AK7: variants seen among roughly 807,000 people sequenced by gnomAD.
The protein encoded by AK7 is ATP-AMP transphosphorylase 7.
Under a neutral mutation model 96.6 loss-of-function variants are expected in AK7, and 78 were observed. The observed-to-expected ratio is 0.81, with a 90% CI of 0.67 to 0.97. The LOEUF is 0.97. AK7 is among the 50% of genes least tolerant of loss of function. AK7 has a pLI of 0.00. For missense variants in AK7, 855 were observed against 887.9 expected (o/e 0.96, Z 0.47); for synonymous variants, 302 against 317.2 (o/e 0.95, Z 0.51).
intron 16 of AK7, among the ~76,000 whole-genome samples, chr14:96,485,272 C>T (rs1009442908): frequency 1.5e-4 from 23 of 152,102 alleles, no homozygotes; most frequent in African/African-American, 5.1e-4. Context: ...TCTCATGTTG[C>T]GTATTTTCTT....
At chr14:96,487,332 C>T (rs1895826837) in intron 17 of AK7, among the ~76,000 whole-genome samples, 1 of 122,358 alleles carries the variant, frequency 8.2e-6, no homozygotes, top group African/African-American at 3.1e-5. Context: ...TGCAGTGAGC[C>T]GAGATCACAC....
At chr14:96,476,914 T>TA (rs1895218388) in intron 14 of AK7, among the ~76,000 whole-genome samples, 1 of 152,210 alleles carries the variant, frequency 6.6e-6, no homozygotes, top group South Asian at 2.1e-4. Flanking sequence ...GAGTATCATG[T>TA]TAGGGAAAAA....
intron 16 of AK7, among the ~76,000 whole-genome samples, chr14:96,485,696 T>C (rs1205437932): frequency 6.6e-6 from 1 of 152,218 alleles, no homozygotes; most frequent in Non-Finnish European, 1.5e-5. Flanking sequence ...AGTTTCATGT[T>C]TATATGTACT....
chr14:96,420,581 A>G (rs1258439127), intron 4 of AK7, among the ~76,000 whole-genome samples: 84 of 151,442 alleles, frequency 5.5e-4, no homozygotes, highest in Non-Finnish European at 1.9e-4. Context: ...CAGTATGGCC[A>G]GACTCGGTGG....
intron 5 of AK7, among the ~76,000 whole-genome samples, chr14:96,430,669 G>T (rs1431320988): frequency 1.3e-5 from 2 of 152,198 alleles, no homozygotes; most frequent in Admixed American, 1.3e-4. Context: ...TGTGCTGCTG[G>T]ATTTGGTTTG....
chr14:96,472,706 AGAT>A lies in AK7; in HGVS notation c.1511_1513del (p.Asp504del). ...TCTTAGAGGAAGATGAGGAGGAGGA[AGAT>A]GATGTCAGAGGCAGAATGTTTCCCT... On this transcript the variant is annotated inframe_deletion, in exon 14 of 18. Transcript: ENST00000267584. The A allele has an allele frequency of 6.2e-7, 1 of 1,613,008 alleles. No homozygotes were observed. Among genetic ancestry groups the A allele is most frequent in the Non-Finnish European group, 8.5e-7 (1 of 1,179,026 alleles).
intron 5 of AK7, among the ~76,000 whole-genome samples, chr14:96,428,244 C>G (rs10145939): frequency 0.054 from 8,027 of 147,976 alleles, 865 homozygotes; most frequent in African/African-American, 0.2. Context: ...ATAGTTTGCT[C>G]AGAATGATGG....
chr14:96,438,013 C>A, intron 6 of AK7, 98 bp downstream of exon 6: 2 of 1,013,504 alleles, frequency 2.0e-6, no homozygotes, highest in South Asian at 1.6e-5. Context: ...GTGGTTAGTG[C>A]AGTAGAATAG....
chr14:96,412,193 A>G (rs77697567), intron 4 of AK7, among the ~76,000 whole-genome samples: 16,456 of 150,966 alleles, frequency 0.11, 1,016 homozygotes, highest in East Asian at 0.15. Flanking sequence ...GTGAGCTGCA[A>G]GGACTCCTGG....
At chr14:96,445,247 G>A (rs1893171187) in intron 7 of AK7, among the ~76,000 whole-genome samples, 1 of 152,154 alleles carries the variant, frequency 6.6e-6, no homozygotes, top group Non-Finnish European at 1.5e-5. Flanking sequence ...AACTAGATTT[G>A]TTATAATTTT....
intron 12 of AK7, among the ~76,000 whole-genome samples, chr14:96,469,417 C>T (rs557703378): frequency 1.5e-3 from 232 of 152,094 alleles, no homozygotes; most frequent in Non-Finnish European, 2.9e-3. Flanking sequence ...CCCAGCTACT[C>T]GGGAGGCTGA....
Position 96,488,459 on chromosome 14 carries a change from C to A in AK7, c.*116C>A. The A allele has an allele frequency of 3.6e-6, 3 of 829,600 alleles. No individual in the cohort carries two copies. Among genetic ancestry groups the A allele is most frequent in the Non-Finnish European group, 5.6e-6 (3 of 534,404 alleles). The allele number at this position is 829,600 out of a possible 1,614,324, so 51.4% of individuals were successfully genotyped here. A position where few individuals can be genotyped will look rare whatever the true frequency, so the allele number is the denominator to read the frequency against. On this transcript the variant is annotated 3_prime_UTR_variant, in exon 18 of 18. Transcript: ENST00000267584. ...TCTTAGAAAATTCTTTTTTTGTAGA[C>A]AAATATTCTATAAACTAGAATCTCT...
At chr14:96,392,798 G>A (rs1203563558) in intron 1 of AK7, among the ~76,000 whole-genome samples, 1 of 152,110 alleles carries the variant, frequency 6.6e-6, no homozygotes, top group Non-Finnish European at 1.5e-5. Flanking sequence ...GAGTAGCTGG[G>A]ACTACAGGCG....
chr14:96,407,691 C>T (rs1328466470), intron 3 of AK7, among the ~76,000 whole-genome samples: 2 of 151,316 alleles, frequency 1.3e-5, no homozygotes, highest in African/African-American at 4.9e-5. Context: ...ACGCCATTCT[C>T]CTGCCTCAGC....
At chr14:96,455,044 G>A (rs754422957) in intron 10 of AK7, among the ~76,000 whole-genome samples, 1 of 152,096 alleles carries the variant, frequency 6.6e-6, no homozygotes, top group African/African-American at 2.4e-5. Context: ...GCGTGCGCCT[G>A]TAATCCCAGG....
At chr14:96,423,671 G>T (rs1248977646) in intron 5 of AK7, 34 of 650,686 alleles carry the variant, frequency 5.2e-5, no homozygotes, top group South Asian at 4.5e-4. Context: ...CCTCCAGGAC[G>T]GTTCAGGTCG....
chr14:96,417,331 C>T (rs1436119875), intron 4 of AK7, among the ~76,000 whole-genome samples: 1 of 152,186 alleles, frequency 6.6e-6, no homozygotes, highest in East Asian at 1.9e-4. Flanking sequence ...AAAATTTAGT[C>T]ATTTGTTTAT....
At chr14:96,427,651 A>G (rs1448643864) in intron 5 of AK7, among the ~76,000 whole-genome samples, 1 of 152,152 alleles carries the variant, frequency 6.6e-6, no homozygotes, top group African/African-American at 2.4e-5. Flanking sequence ...TGGATTGTTG[A>G]TATCTTTCTC....
At position 96,449,822 on chromosome 14, in the gene AK7, CCCT is replaced by C; in HGVS notation, c.892_894del (p.Pro298del). 1 of 1,610,942 alleles carries C rather than the reference CCCT, an allele frequency of 6.2e-7. No homozygotes were observed. The highest frequency in any genetic ancestry group is 8.5e-7 in the Non-Finnish European group (1 of 1,178,322). ...AACAGTGTATCAGTAAAAATACTGGCCCTGGGAAAATCCAGAAAATACCCAGAG... is the reference window on the plus strand; with the variant it reads ...AACAGTGTATCAGTAAAAATACTGGCGGGAAAATCCAGAAAATACCCAGAG... On this transcript the variant is annotated inframe_deletion, in exon 9 of 18. Coordinates refer to ENST00000267584, the MANE Select transcript of AK7 (RefSeq NM_152327.5).
Sources: gnomAD v4.1 joint callset for allele counts (sites outside exome capture counted in the v4.1 genomes callset) on GRCh38, gnomAD v4.1.1 for gene constraint, MANE v1.5 for transcripts, NCBI Gene and HGNC (gene_info 2026-07-23, HGNC 2026-07-21) for gene names.